The following LUZP2 variants were observed in gnomAD, a reference collection of about 807,000 sequenced individuals.
The protein encoded by LUZP2 is leucine zipper protein 2.
A neutral mutation model predicts 51.6 loss-of-function variants in LUZP2; 52 were observed. That is an observed-to-expected ratio of 1.01 (90% CI 0.81 to 1.27). The LOEUF (loss-of-function observed/expected upper bound fraction) is 1.27. Among genes scored for constraint, LUZP2 ranks in the 50% most tolerant of loss-of-function variants. The pLI, the probability that LUZP2 is intolerant of heterozygous loss-of-function variation, is 0.00. For synonymous variants in LUZP2, 154 were observed against 137.3 expected, an observed-to-expected ratio of 1.12 and a Z score of -0.85; for missense variants, 436 against 395.4, an observed-to-expected ratio of 1.10 and a Z score of -0.87.
chr11:24,703,892 T>A (rs919514205), intron 1 of LUZP2, among the ~76,000 whole-genome samples: 1 of 152,000 alleles, frequency 6.6e-6, no homozygotes, highest in African/African-American at 2.4e-5. Flanking sequence ...ATTCACAAAC[T>A]ATTTTAGTTT....
rs374821252 is a variant in LUZP2 at position 24,753,540 on chromosome 11, C to T, written c.334-9706C>T. 1.4e-4 allele frequency among the ~76,000 whole-genome samples: 22 copies of T among 152,232 alleles called. No homozygotes were observed. In the East Asian group the frequency reaches 1.5e-3, roughly 11 times the overall value. ...AAATTGCTTGAGGGGCAGATGTACA[C>T]GCCTTCTGTTTTACAGTACTAGGTA... On this transcript the variant is annotated intron_variant, in intron 4 of 11. Coordinates refer to ENST00000336930, the MANE Select transcript of LUZP2 (RefSeq NM_001009909.4).
chr11:24,635,421 AGTGT>A (rs3078023), intron 1 of LUZP2, among the ~76,000 whole-genome samples: 1 of 150,194 alleles, frequency 6.7e-6, no homozygotes, highest in African/African-American at 2.4e-5. Context: ...ATCAGAAAAG[AGTGT>A]GTGTGTGTGT....
At chr11:24,706,401 C>T (rs1857584372) in intron 1 of LUZP2, among the ~76,000 whole-genome samples, 1 of 152,106 alleles carries the variant, frequency 6.6e-6, no homozygotes, top group African/African-American at 2.4e-5. Context: ...CTATCTCACC[C>T]CCTGGGAAGA....
At chr11:24,616,014 CT>C (rs147899433) in intron 1 of LUZP2, among the ~76,000 whole-genome samples, 2,559 of 145,468 alleles carry the variant, frequency 0.018, 67 homozygotes, top group African/African-American at 0.059. Flanking sequence ...GTTTGGTTGC[CT>C]TTTTTTTTTC....
chr11:24,923,337 A>G (rs1453805178), intron 7 of LUZP2, among the ~76,000 whole-genome samples: 1 of 152,140 alleles, frequency 6.6e-6, no homozygotes, highest in African/African-American at 2.4e-5. Context: ...GCCAAAGGAA[A>G]AAGTCAAACT....
chr11:24,981,478 A>C (rs1856027527), intron 8 of LUZP2, among the ~76,000 whole-genome samples: 1 of 151,620 alleles, frequency 6.6e-6, no homozygotes, highest in Non-Finnish European at 1.5e-5. Flanking sequence ...AATCTGTTTT[A>C]TCAGAAAGGT....
chr11:24,777,214 T>A (rs778680468), intron 5 of LUZP2, among the ~76,000 whole-genome samples: 6 of 152,034 alleles, frequency 3.9e-5, no homozygotes, highest in South Asian at 2.1e-4. Flanking sequence ...AGGATGGTCT[T>A]GATCTTCTGA....
At chr11:24,941,434 G>T (rs1854743533) in intron 7 of LUZP2, among the ~76,000 whole-genome samples, 2 of 152,114 alleles carry the variant, frequency 1.3e-5, no homozygotes, top group African/African-American at 4.8e-5. Context: ...GCAAGTTAGA[G>T]TTTATCAGCT....
chr11:25,004,799 A>G (rs2133948516), intron 9 of LUZP2, among the ~76,000 whole-genome samples: 1 of 152,262 alleles, frequency 6.6e-6, no homozygotes, highest in Non-Finnish European at 1.5e-5. Context: ...CCCAGTGGGG[A>G]TCCATACTGG....
intron 5 of LUZP2, among the ~76,000 whole-genome samples, chr11:24,865,791 TGTG>T (rs1204654433): frequency 7.9e-5 from 12 of 151,728 alleles, no homozygotes; most frequent in African/African-American, 2.7e-4. Context: ...TGTGTGTGTG[TGTG>T]TGTGTATATA....
intron 1 of LUZP2, among the ~76,000 whole-genome samples, chr11:24,566,856 A>G (rs1220899573): frequency 7.6e-6 from 1 of 131,460 alleles, no homozygotes. Context: ...ATATACATAT[A>G]TAATGTATAT....
At chr11:24,610,152 G>A (rs1437200570) in intron 1 of LUZP2, among the ~76,000 whole-genome samples, 1 of 152,188 alleles carries the variant, frequency 6.6e-6, no homozygotes, top group African/African-American at 2.4e-5. Context: ...GTTCGAAGAG[G>A]AACGTGATGG....
chr11:24,762,095 A>ATTAC (rs111545459), intron 4 of LUZP2, among the ~76,000 whole-genome samples: 152,196 of 152,240 alleles, frequency 1, 76,076 homozygotes, highest in Middle Eastern at 1. Flanking sequence ...CATTTTACGT[A>ATTAC]TTCTTGTTCT....
At chr11:24,892,560 A>G (rs1852891844) in intron 5 of LUZP2, 2 of 497,910 alleles carry the variant, frequency 4.0e-6, no homozygotes, top group Non-Finnish European at 5.2e-6. Flanking sequence ...TTCTGTTTAT[A>G]GATAAGCCCT....
intron 5 of LUZP2, among the ~76,000 whole-genome samples, chr11:24,846,338 TAAA>T (rs1037779469): frequency 1.7e-4 from 25 of 151,152 alleles, no homozygotes; most frequent in African/African-American, 5.6e-4. Flanking sequence ...ATCCGCCAAA[TAAA>T]AGAAGAAAAT....
At chr11:24,601,996 A>G (rs1165768056) in intron 1 of LUZP2, among the ~76,000 whole-genome samples, 3 of 70,200 alleles carry the variant, frequency 4.3e-5, no homozygotes, top group East Asian at 2.3e-4. Flanking sequence ...ATGTGTATAT[A>G]TGTATATATA....
intron 1 of LUZP2, among the ~76,000 whole-genome samples, chr11:24,723,895 A>C (rs1858371730): frequency 6.6e-6 from 1 of 152,186 alleles, no homozygotes; most frequent in Non-Finnish European, 1.5e-5. Flanking sequence ...AAAATATGAA[A>C]AATTTTTACA....
chr11:24,824,692 T>A (rs1001805657), intron 5 of LUZP2, among the ~76,000 whole-genome samples: 2 of 152,054 alleles, frequency 1.3e-5, no homozygotes, highest in African/African-American at 2.4e-5. Context: ...TTATTTTATA[T>A]GATCACACAT....
At chr11:24,990,468 T>C (rs1056757667) in intron 9 of LUZP2, among the ~76,000 whole-genome samples, 8 of 152,088 alleles carry the variant, frequency 5.3e-5, no homozygotes, top group African/African-American at 1.9e-4. Flanking sequence ...GGAAAATATA[T>C]GACTAACCAT....
Sources: gnomAD v4.1 joint callset for allele counts (sites outside exome capture counted in the v4.1 genomes callset) on GRCh38, gnomAD v4.1.1 for gene constraint, MANE v1.5 for transcripts, NCBI Gene and HGNC (gene_info 2026-07-23, HGNC 2026-07-21) for gene names.